The following MEMO1 variants were observed in gnomAD, a reference collection of about 807,000 sequenced individuals.
MEMO1 encodes the protein mediator of cell motility 1, also known as protein MEMO1.
A neutral mutation model predicts 45.2 loss-of-function variants in MEMO1; 6 were observed. The observed-to-expected ratio is 0.13, with a 90% CI of 0.07 to 0.26. The LOEUF (loss-of-function observed/expected upper bound fraction) is 0.26. Among genes scored for constraint, MEMO1 ranks in the 10% least tolerant of loss-of-function variants. The pLI is 1.00. For synonymous variants in MEMO1, 78 were observed against 124.3 expected, an observed-to-expected ratio of 0.63 and a Z score of 2.48; for missense variants, 184 against 370.5, an observed-to-expected ratio of 0.50 and a Z score of 4.13.
intron 7 of MEMO1, among the ~76,000 whole-genome samples, chr2:31,887,282 G>A (rs1676320733): frequency 6.6e-6 from 1 of 151,952 alleles, no homozygotes; most frequent in African/African-American, 2.4e-5. Context: ...AAAACAAAAG[G>A]TAAAAGAACA....
intron 3 of MEMO1, among the ~76,000 whole-genome samples, chr2:31,941,364 A>AC (rs1373107337): frequency 3.9e-5 from 6 of 152,106 alleles, no homozygotes; most frequent in Non-Finnish European, 8.8e-5. Flanking sequence ...ATGTTACCTT[A>AC]CCAGGGAGTC....
intron 2 of MEMO1, among the ~76,000 whole-genome samples, chr2:31,990,571 C>CTTTTTTTTTTTTTTTT (rs34456440): frequency 8.3e-6 from 1 of 119,996 alleles, no homozygotes; most frequent in African/African-American, 3.1e-5. Context: ...AATTTTTTTT[C>CTTTTTTTTTTTTTTTT]TTTTTTTTTT....
chr2:31,928,274 G>A (rs982741260), intron 4 of MEMO1, among the ~76,000 whole-genome samples: 53 of 152,176 alleles, frequency 3.5e-4, no homozygotes, highest in Non-Finnish European at 1.9e-4. Context: ...CAGGAACAGC[G>A]GCTCATGCCT....
At chr2:31,983,985 A>G (rs1670968089) in intron 2 of MEMO1, among the ~76,000 whole-genome samples, 1 of 152,250 alleles carries the variant, frequency 6.6e-6, no homozygotes, top group African/African-American at 2.4e-5. Context: ...ATTACCTTCC[A>G]AAGTACAAAA....
At chr2:31,910,677 T>G (rs981890164) in intron 6 of MEMO1, among the ~76,000 whole-genome samples, 1 of 152,026 alleles carries the variant, frequency 6.6e-6, no homozygotes, top group Non-Finnish European at 1.5e-5. Context: ...CTGGGCAGGA[T>G]AGTGAGACCC....
At chr2:31,970,247 G>C (rs1182461057) in intron 2 of MEMO1, among the ~76,000 whole-genome samples, 1 of 152,126 alleles carries the variant, frequency 6.6e-6, no homozygotes, top group Non-Finnish European at 1.5e-5. Context: ...TGAGATTACA[G>C]GAATGAGCCA....
intron 2 of MEMO1, among the ~76,000 whole-genome samples, 175 bp downstream of exon 2, chr2:32,010,012 G>C (rs1331406638): frequency 4.0e-5 from 6 of 149,162 alleles, no homozygotes; most frequent in African/African-American, 1.5e-4. Flanking sequence ...CCGGGTGGGG[G>C]AGGCGGCGAG....
At position 31,883,839 on chromosome 2, in the gene MEMO1, T is replaced by G. The variant is rs532601528; in HGVS notation, c.581-377A>C. ...AATATTTGGTTTAAGAAAACTATCT[T>G]GGTATAACAAATCACTAAAAGCCTT... is the stretch of plus-strand genomic sequence containing the variant. On this transcript the variant is annotated intron_variant, in intron 7 of 9. Coordinates refer to ENST00000404530, the MANE Select transcript of MEMO1 (RefSeq NM_001301833.4). Among the ~76,000 whole-genome samples the G allele has an allele frequency of 2.6e-5, 4 of 151,986 alleles. No individual in the cohort carries two copies. The South Asian group carries it at 8.3e-4, about 31-fold the overall frequency.
At chr2:31,994,356 G>C (rs1436008795) in intron 2 of MEMO1, among the ~76,000 whole-genome samples, 1 of 151,698 alleles carries the variant, frequency 6.6e-6, no homozygotes, top group Non-Finnish European at 1.5e-5. Flanking sequence ...GAGGTCGGGC[G>C]TGGTGGCTCA....
At chr2:31,985,972 T>C in intron 2 of MEMO1, among the ~76,000 whole-genome samples, 1 of 152,170 alleles carries the variant, frequency 6.6e-6, no homozygotes, top group South Asian at 2.1e-4. Flanking sequence ...CTATTAAGTA[T>C]ATAAATATAT....
intron 2 of MEMO1, among the ~76,000 whole-genome samples, chr2:32,002,320 TATATACATATATAC>T (rs944031250): frequency 5.5e-5 from 8 of 144,976 alleles, no homozygotes; most frequent in African/African-American, 9.9e-5. Context: ...TACATACACA[TATATACATATATAC>T]ATATACATAT....
intron 8 of MEMO1, among the ~76,000 whole-genome samples, chr2:31,872,979 T>C (rs1020093541): frequency 2.0e-5 from 3 of 152,188 alleles, no homozygotes; most frequent in African/African-American, 7.2e-5. Flanking sequence ...TATACCTATG[T>C]TTTTATGTTA....
At chr2:31,883,602 C>T (rs966687161) in intron 7 of MEMO1, 140 bp from the exon 8 acceptor site, 1 of 585,362 alleles carries the variant, frequency 1.7e-6, no homozygotes, top group Non-Finnish European at 3.0e-6. Context: ...CCCAAGAGCC[C>T]TTGTACATAA....
chr2:31,923,136 G>C (rs866464710), intron 4 of MEMO1, among the ~76,000 whole-genome samples: 3 of 151,850 alleles, frequency 2.0e-5, no homozygotes, highest in Non-Finnish European at 4.4e-5. Context: ...GCCAGCATCT[G>C]TTAATTTTTG....
intron 2 of MEMO1, among the ~76,000 whole-genome samples, chr2:31,989,118 A>G (rs1671628455): frequency 6.6e-6 from 1 of 152,074 alleles, no homozygotes; most frequent in Non-Finnish European, 1.5e-5. Context: ...AGGCAGGGGA[A>G]TCGCTTGAAC....
Position 31,961,195 on chromosome 2 carries a change from T to C in MEMO1, c.62-17812A>G, listed in dbSNP as rs185218186. Among the ~76,000 whole-genome samples, 1,049 of 149,708 alleles carry C rather than the reference T, an allele frequency of 7.0e-3. 6 individuals are homozygous for C. The highest frequency in any genetic ancestry group is 0.012 in the Non-Finnish European group (793 of 67,286). ...CAACATGGGGAATCCCCCTCTCTACTGAAAATACAAAAATTAGCTGGGTGT... is the reference window on the plus strand; with the variant it reads ...CAACATGGGGAATCCCCCTCTCTACCGAAAATACAAAAATTAGCTGGGTGT... On this transcript the variant is annotated intron_variant, in intron 2 of 9. Transcript: ENST00000404530.
intron 2 of MEMO1, among the ~76,000 whole-genome samples, chr2:32,000,289 G>C (rs993141343): frequency 4.6e-5 from 7 of 151,386 alleles, no homozygotes; most frequent in African/African-American, 1.2e-4. Context: ...GAGTGCAGTG[G>C]TGCGATCTCA....
At position 31,902,969 on chromosome 2, in the gene MEMO1, G is replaced by A. The variant is rs929967297; in HGVS notation, c.438-10835C>T. Reference sequence around the variant, plus strand: ...GATGAATTCTAATAAAAAAATACACGCGATAAGAAAACATTATAATTTAAT... The same window carrying A: ...GATGAATTCTAATAAAAAAATACACACGATAAGAAAACATTATAATTTAAT... On this transcript the variant is annotated intron_variant, in intron 6 of 9. Transcript: ENST00000404530. Among the ~76,000 whole-genome samples the A allele has an allele frequency of 2.6e-4, 40 of 151,726 alleles. No homozygotes were observed. In the East Asian group the frequency reaches 4.8e-3, roughly 18 times the overall value.
rs1006791179 is a variant in MEMO1, at chr2:31,955,132, A to G, written c.62-11749T>C. Among the ~76,000 whole-genome samples, 4 of 151,998 alleles carry G rather than the reference A, an allele frequency of 2.6e-5. 1 individual carries two copies. The South Asian group carries it at 8.3e-4, about 32-fold the overall frequency. On this transcript the variant is annotated intron_variant, in intron 2 of 9. Coordinates refer to ENST00000404530, the MANE Select transcript of MEMO1 (RefSeq NM_001301833.4). The stretch of plus-strand genomic sequence containing the variant: ...TGGCGCATGCCTGTAGTACTACTCC[A>G]GGGCTGAGGCAGGAAGATCGCTTGA...
Sources: gnomAD v4.1 joint callset for allele counts (sites outside exome capture counted in the v4.1 genomes callset) on GRCh38, gnomAD v4.1.1 for gene constraint, MANE v1.5 for transcripts, NCBI Gene and HGNC (gene_info 2026-07-23, HGNC 2026-07-21) for gene names.